SGMS2: variants seen among roughly 807,000 people sequenced by gnomAD.
SGMS2 encodes sphingomyelin synthase 2.
In SGMS2, 21 loss-of-function variants were observed where a neutral mutation model predicts 43.8. That is an observed-to-expected ratio of 0.48 (90% CI 0.34 to 0.69). SGMS2 has a LOEUF of 0.69. Ranked by LOEUF, SGMS2 falls within the 30% of genes least tolerant of loss-of-function variation. The pLI, the probability that SGMS2 is intolerant of heterozygous loss-of-function variation, is 0.01. For missense variants in SGMS2, 384 were observed against 443.2 expected, an observed-to-expected ratio of 0.87 and a Z score of 1.20; for synonymous variants, 167 against 160.6, an observed-to-expected ratio of 1.04 and a Z score of -0.30.
intron 4 of SGMS2, among the ~76,000 whole-genome samples, chr4:107,901,929 T>C (rs1228945167): frequency 6.6e-6 from 1 of 151,230 alleles, no homozygotes; most frequent in Non-Finnish European, 1.5e-5. Context: ...TTTTCTGAGA[T>C]GAGTTTTGCT....
chr4:107,888,897 T>C (rs1197689745), intron 2 of SGMS2, among the ~76,000 whole-genome samples: 2 of 152,216 alleles, frequency 1.3e-5, no homozygotes, highest in East Asian at 3.8e-4. Context: ...TTTAATTGTT[T>C]ATGTAGATTA....
chr4:107,858,745 A>T (rs1727561277), intron 2 of SGMS2, among the ~76,000 whole-genome samples, 192 bp downstream of exon 2: 1 of 152,116 alleles, frequency 6.6e-6, no homozygotes, highest in Admixed American at 6.6e-5. Flanking sequence ...TTTCATCCTC[A>T]GGAGAGTCTT....
chr4:107,904,868 A>G (rs528542111), intron 5 of SGMS2, among the ~76,000 whole-genome samples: 7 of 152,266 alleles, frequency 4.6e-5, no homozygotes, highest in African/African-American at 1.7e-4. Context: ...TGAGTATGCT[A>G]TGTAAGATCA....
At chr4:107,863,918 C>CTT (rs1578554362) in intron 2 of SGMS2, 1 of 152,218 alleles carries the variant, frequency 6.6e-6, no homozygotes, top group East Asian at 1.9e-4. Flanking sequence ...ATTCTGGTGT[C>CTT]TTTGAGTGTG....
At chr4:107,856,844 TTAATTTTACAACAGTTGCACTGAGATG>T (rs1727459337) in intron 1 of SGMS2, among the ~76,000 whole-genome samples, 2 of 152,356 alleles carry the variant, frequency 1.3e-5, no homozygotes, top group African/African-American at 4.8e-5. Flanking sequence ...TTTTGTTCTT[TTAATTTTACAACAGTTGCACTGAGATG>T]TAATTCACAT....
At chr4:107,897,942 C>T (rs1033094058) in intron 3 of SGMS2, among the ~76,000 whole-genome samples, 4 of 152,090 alleles carry the variant, frequency 2.6e-5, no homozygotes, top group African/African-American at 9.7e-5. Flanking sequence ...CATCTTTCAC[C>T]TTCTAAGTTG....
In SGMS2 at chr4:107,895,911, T is replaced by C; in HGVS notation, c.358T>C (p.Tyr120His). Residue 120 changes from tyrosine (Y) to histidine (H), a missense_variant, in exon 3 of 7, where the codon TAC becomes CAC. Transcript: ENST00000690982. ...SPPLPDKFFDYIDRVKWAFSV... is the reference protein window; with the variant it reads ...SPPLPDKFFDHIDRVKWAFSV... The stretch of plus-strand genomic sequence containing the variant: ...TCCACTCCCAGACAAGTTTTTTGAT[T>C]ACATTGATAGGGTGAAATGGGCATT... 1 of 1,613,990 alleles carries C rather than the reference T, an allele frequency of 6.2e-7. No individual in the cohort carries two copies. Among genetic ancestry groups the C allele is most frequent in the Non-Finnish European group, 8.5e-7 (1 of 1,179,934 alleles).
chr4:107,880,158 A>G (rs1285801991), intron 2 of SGMS2, among the ~76,000 whole-genome samples: 3 of 152,306 alleles, frequency 2.0e-5, no homozygotes, highest in Middle Eastern at 3.4e-3. Context: ...TTTTTCAATT[A>G]TATCTTTTAC....
intron 2 of SGMS2, among the ~76,000 whole-genome samples, chr4:107,875,473 T>C (rs1225127887): frequency 1.3e-5 from 2 of 151,954 alleles, no homozygotes; most frequent in African/African-American, 4.8e-5. Flanking sequence ...CATGGACACA[T>C]AGAGGGAAAC....
intron 2 of SGMS2, among the ~76,000 whole-genome samples, chr4:107,880,875 A>G (rs1207829357): frequency 6.6e-6 from 1 of 151,800 alleles, no homozygotes; most frequent in Non-Finnish European, 1.5e-5. Context: ...AAAGAAAGAA[A>G]AAGAAAAAAG....
intron 2 of SGMS2, among the ~76,000 whole-genome samples, chr4:107,859,481 A>T (rs368850494): frequency 6.6e-6 from 1 of 152,218 alleles, no homozygotes; most frequent in East Asian, 1.9e-4. Context: ...GCCTACTTTG[A>T]GCTGGCACTA....
At chr4:107,859,302 T>G (rs1399087282) in intron 2 of SGMS2, among the ~76,000 whole-genome samples, 2 of 152,150 alleles carry the variant, frequency 1.3e-5, no homozygotes, top group African/African-American at 4.8e-5. Flanking sequence ...TATTGTGGTG[T>G]TTGCCTAAAA....
At chr4:107,893,234 G>A (rs779350063) in intron 2 of SGMS2, 3 of 152,092 alleles carry the variant, frequency 2.0e-5, no homozygotes, top group Non-Finnish European at 4.4e-5. Context: ...TTCTAGAACC[G>A]AGTAGCTACC....
chr4:107,845,972 A>G (rs1726784934), intron 1 of SGMS2, among the ~76,000 whole-genome samples: 1 of 152,222 alleles, frequency 6.6e-6, no homozygotes, highest in South Asian at 2.1e-4. Context: ...CATCAACATT[A>G]AGCTGCATTT....
chr4:107,866,356 A>G (rs1282010462), intron 2 of SGMS2, among the ~76,000 whole-genome samples: 1 of 152,150 alleles, frequency 6.6e-6, no homozygotes, highest in Non-Finnish European at 1.5e-5. Flanking sequence ...ACCTGAGGTC[A>G]GGAGTTGGAG....
intron 1 of SGMS2, among the ~76,000 whole-genome samples, chr4:107,849,159 G>A (rs759283875): frequency 5.9e-5 from 9 of 152,106 alleles, no homozygotes; most frequent in East Asian, 1.9e-4. Context: ...TGAGTTCCTC[G>A]TGTTCCCTCT....
intron 2 of SGMS2, among the ~76,000 whole-genome samples, chr4:107,865,788 C>G (rs2126042658): frequency 6.6e-6 from 1 of 152,248 alleles, no homozygotes. Flanking sequence ...GGTTTCAGTC[C>G]TGGTGGAAAT....
At chr4:107,888,708 A>C (rs1285050773) in intron 2 of SGMS2, among the ~76,000 whole-genome samples, 1 of 152,188 alleles carries the variant, frequency 6.6e-6, no homozygotes, top group African/African-American at 2.4e-5. Flanking sequence ...ATTAGACAAA[A>C]ATTGTTCACC....
Position 107,912,520 on chromosome 4 carries a change from T to C in SGMS2, c.*1967T>C, listed in dbSNP as rs1392163902. 2 of 152,136 alleles carry C rather than the reference T, an allele frequency of 1.3e-5. No individual in the cohort carries two copies. Among genetic ancestry groups the C allele is most frequent in the Non-Finnish European group, 2.9e-5 (2 of 68,030 alleles). 9.4% of individuals were successfully genotyped at this position (152,136 alleles called of 1,614,324 possible). ...TGATTTTTAAGTTCCTGTTGCCCGA[T>C]TGTAAAGAAAATCATCTGACACAGA... On this transcript the variant is annotated 3_prime_UTR_variant, in exon 7 of 7. Coordinates refer to ENST00000690982, the MANE Select transcript of SGMS2 (RefSeq NM_001375905.1).
Sources: allele counts gnomAD v4.1 joint callset (sites outside exome capture counted in the v4.1 genomes callset), GRCh38; gene constraint gnomAD v4.1.1; transcripts MANE v1.5; gene names NCBI Gene and HGNC (gene_info 2026-07-23, HGNC 2026-07-21).